The following KLHL10 variants were observed in gnomAD, a reference collection of about 807,000 sequenced individuals.
KLHL10 encodes the protein kelch like family member 10.
KLHL10 carries 11 observed loss-of-function variants against 46.6 expected under a neutral mutation model. The ratio of observed to expected loss-of-function variants is 0.24; its 90% CI spans 0.15 to 0.39. The LOEUF (loss-of-function observed/expected upper bound fraction) is 0.39. Ranked by LOEUF, KLHL10 falls within the 10% of genes least tolerant of loss-of-function variation. The pLI, the probability that KLHL10 is intolerant of heterozygous loss-of-function variation, is 1.00. For synonymous variants in KLHL10, 254 were observed against 279.1 expected, an observed-to-expected ratio of 0.91 and a Z score of 0.90; for missense variants, 475 against 789.8, an observed-to-expected ratio of 0.60 and a Z score of 4.78.
upstream of KLHL10, chr17:41,835,830 C>T: frequency 6.3e-7 from 1 of 1,579,634 alleles, no homozygotes; most frequent in Non-Finnish European, 8.6e-7. Flanking sequence ...GCCCCCAGCC[C>T]GGCCGGCCCC....
rs536242171 is a variant in KLHL10, at chr17:41,841,919, A to G, written c.291A>G (p.Ala97=). ...TGATGAAGCTAATCATTGAGTATGCATACACCCGGACCGTGCCTATCACAC... is the reference window on the plus strand; with the variant it reads ...TGATGAAGCTAATCATTGAGTATGCGTACACCCGGACCGTGCCTATCACAC... ...PDMMKLIIEY[A]YTRTVPITPD... Residue 97 remains alanine (A), a synonymous_variant, in exon 2 of 5, where the codon GCA becomes GCG. Transcript: ENST00000293303. The G allele has an allele frequency of 6.8e-5, 110 of 1,614,218 alleles. No homozygotes were observed. In the South Asian group the frequency reaches 1.2e-3, roughly 17 times the overall value.
chr17:41,836,368 C>CG (rs2048160190), upstream of KLHL10: 2 of 1,225,074 alleles, frequency 1.6e-6, no homozygotes, highest in East Asian at 6.5e-5. Flanking sequence ...GTGGGCTTGC[C>CG]GGTTGCGCTA....
intron 2 of KLHL10, among the ~76,000 whole-genome samples, chr17:41,843,987 T>C (rs2048254742): frequency 1.3e-5 from 2 of 151,836 alleles, no homozygotes; most frequent in African/African-American, 2.4e-5. Context: ...GGTCTTGATC[T>C]CCTGACCTCG....
intron 1 of KLHL10, among the ~76,000 whole-genome samples, chr17:41,840,297 A>T (rs2048213797): frequency 6.6e-6 from 1 of 152,304 alleles, no homozygotes; most frequent in Admixed American, 6.5e-5. Context: ...ATTTAAATGT[A>T]TTATAATTTT....
intron 1 of KLHL10, among the ~76,000 whole-genome samples, chr17:41,839,181 G>A (rs1016913109): frequency 1.3e-5 from 2 of 152,076 alleles, no homozygotes; most frequent in African/African-American, 2.4e-5. Flanking sequence ...TAGTAGAGAC[G>A]GGGTTTCACC....
chr17:41,835,763 A>AG, upstream of KLHL10: 2 of 1,223,542 alleles, frequency 1.6e-6, no homozygotes, highest in Non-Finnish European at 2.3e-6. Context: ...GAGAGCTAGG[A>AG]GGGGTCCGCG....
chr17:41,846,897 C>T (rs1364614191), intron 3 of KLHL10, among the ~76,000 whole-genome samples: 1 of 152,054 alleles, frequency 6.6e-6, no homozygotes, highest in Non-Finnish European at 1.5e-5. Context: ...GGCGGATTGC[C>T]TTAACTCAGG....
In KLHL10 at chr17:41,845,522, C is replaced by T. The variant is rs782818512; in HGVS notation, c.1081C>T (p.Pro361Ser). 2 of 1,614,044 alleles carry T rather than the reference C, an allele frequency of 1.2e-6. No homozygotes were observed. Among genetic ancestry groups the T allele is most frequent in the African/African-American group, 2.7e-5 (2 of 74,896 alleles). Residue 361 changes from proline to serine, a missense_variant, in exon 3 of 5, where the codon CCA becomes TCA. By Grantham distance (74) the Pro-to-Ser change is moderately conservative (BLOSUM62 -1). Transcript: ENST00000293303. ...DYFNSVKRFD[P>S]VKKTWHQVAP... The stretch of plus-strand genomic sequence containing the variant: ...TTTCAATAGTGTTAAGCGTTTTGAC[C>T]CAGTCAAGAAAACTTGGCATCAGGT...
At chr17:41,844,164 A>G (rs1008442340) in intron 2 of KLHL10, among the ~76,000 whole-genome samples, 14 of 151,730 alleles carry the variant, frequency 9.2e-5, no homozygotes, top group Non-Finnish European at 2.1e-4. Context: ...GGTTCAAGCA[A>G]TTCTCACACC....
rs782066445 is a variant in KLHL10, at chr17:41,845,392, A to C, written c.951A>C (p.Arg317Ser). The change falls in exon 3 of 5, where the codon AGA (arginine) becomes AGC (serine). Residue 317 changes from arginine to serine, a missense_variant. Transcript: ENST00000293303. ...AIEAYDARAD[R>S]WVNVTCEEES... is the part of the protein sequence containing the mutation. ...AGGCATATGACGCTCGGGCAGACAG[A>C]TGGGTGAATGTTACTTGTGAGGAAG... 1.2e-6 allele frequency: 2 copies of C among 1,614,232 alleles called. No homozygotes were observed. The highest frequency in any genetic ancestry group is 1.7e-6 in the Non-Finnish European group (2 of 1,180,024).
intron 2 of KLHL10, among the ~76,000 whole-genome samples, chr17:41,843,714 C>G (rs577022873): frequency 6.6e-6 from 1 of 152,080 alleles, no homozygotes; most frequent in East Asian, 1.9e-4. Flanking sequence ...TTCTCAGCTT[C>G]CAAATGTATA....
chr17:41,835,695 T>A (rs1415685696), upstream of KLHL10: 1 of 770,694 alleles, frequency 1.3e-6, no homozygotes, highest in Non-Finnish European at 2.2e-6. Context: ...GAAATTTGGG[T>A]TTTAGGACAG....
intron 3 of KLHL10, 94 bp from the exon 4 acceptor site, chr17:41,847,167 G>T: frequency 9.4e-7 from 1 of 1,065,290 alleles, no homozygotes; most frequent in Non-Finnish European, 1.5e-6. Context: ...AGACTGTACA[G>T]ACTGGAATTA....
chr17:41,844,163 A>G (rs903333227), intron 2 of KLHL10, among the ~76,000 whole-genome samples: 28 of 149,142 alleles, frequency 1.9e-4, no homozygotes, highest in Non-Finnish European at 3.6e-4. Context: ...GGGTTCAAGC[A>G]ATTCTCACAC....
rs201500660 is a variant in KLHL10 at position 41,847,346 on chromosome 17, T to C, written c.1388T>C (p.Ile463Thr). 1.1e-4 allele frequency: 170 copies of C among 1,614,034 alleles called. No individual in the cohort carries two copies. The highest frequency in any genetic ancestry group is 2.4e-4 in the South Asian group (22 of 91,078). ...YNTESNQWTVIAPMRSRRSGI... is the reference protein window; with the variant it reads ...YNTESNQWTVTAPMRSRRSGI... ...ACTGAAAGTAATCAGTGGACAGTCA[T>C]AGCACCCATGAGAAGCAGGAGGAGT... is the stretch of plus-strand genomic sequence containing the variant. Residue 463 changes from isoleucine to threonine, a missense_variant, in exon 4 of 5, where the codon ATA becomes ACA. Coordinates refer to ENST00000293303, the MANE Select transcript of KLHL10 (RefSeq NM_152467.5).
intron 3 of KLHL10, 65 bp downstream of exon 3, chr17:41,845,808 CTT>C: frequency 6.2e-7 from 1 of 1,602,232 alleles, no homozygotes; most frequent in Non-Finnish European, 8.5e-7. Flanking sequence ...TGATACTGCT[CTT>C]TTTTGGGGTG....
chr17:41,847,461 T>C, intron 4 of KLHL10, 51 bp downstream of exon 4: 1 of 1,609,102 alleles, frequency 6.2e-7, no homozygotes, highest in Non-Finnish European at 8.5e-7. Context: ...ACCCCTAGAT[T>C]TTGTATTAGT....
chr17:41,844,542 A>ATTTT lies in KLHL10; in HGVS notation c.685-563_685-560dup, dbSNP rs369578859. Among the ~76,000 whole-genome samples the ATTTT allele has an allele frequency of 1.2e-3, 133 of 115,304 alleles. 2 individuals carry two copies. The highest frequency in any genetic ancestry group is 1.6e-3 in the Non-Finnish European group (95 of 58,172). 75.6% of individuals were successfully genotyped at this position (115,304 alleles called of 152,430 possible). On this transcript the variant is annotated intron_variant, in intron 2 of 4. Coordinates refer to ENST00000293303, the MANE Select transcript of KLHL10 (RefSeq NM_152467.5). Reference sequence around the variant, plus strand: ...CCACTGCACTCAGCCTGGTTTTTGTATTTTTTTTTTTTTTTTTTTTTTTTG... The same window carrying ATTTT: ...CCACTGCACTCAGCCTGGTTTTTGTATTTTTTTTTTTTTTTTTTTTTTTTTTTTG...
At chr17:41,835,830 C>G, upstream of KLHL10, 1 of 1,579,636 alleles carries the variant, frequency 6.3e-7, no homozygotes, top group Non-Finnish European at 8.6e-7. Flanking sequence ...GCCCCCAGCC[C>G]GGCCGGCCCC....
Sources: gnomAD v4.1 joint callset for allele counts (sites outside exome capture counted in the v4.1 genomes callset) on GRCh38, gnomAD v4.1.1 for gene constraint, MANE v1.5 for transcripts, NCBI Gene and HGNC (gene_info 2026-07-23, HGNC 2026-07-21) for gene names.